Variants in ATP2B4 observed in about 807,000 individuals in gnomAD.
ATP2B4 encodes the protein ATPase plasma membrane Ca2+ transporting 4.
ATP2B4 carries 39 observed loss-of-function variants against 110.3 expected under a neutral mutation model. The observed-to-expected ratio is 0.35, with a 90% CI of 0.27 to 0.46. The LOEUF (loss-of-function observed/expected upper bound fraction) is 0.46. ATP2B4 is among the 20% of genes least tolerant of loss of function. The pLI is 1.00. For synonymous variants in ATP2B4, 538 were observed against 571.7 expected (o/e 0.94, Z 0.84); for missense variants, 1,135 against 1,530.9 (o/e 0.74, Z 4.32).
chr1:203,685,628 C>G (rs1376559091), intron 2 of ATP2B4, among the ~76,000 whole-genome samples: 5 of 152,154 alleles, frequency 3.3e-5, no homozygotes, highest in African/African-American at 1.2e-4. Flanking sequence ...AGGGAGCTTC[C>G]CTACCTGTTT....
intron 1 of ATP2B4, among the ~76,000 whole-genome samples, chr1:203,670,933 T>C (rs536019193): frequency 1.6e-4 from 25 of 152,310 alleles, no homozygotes; most frequent in Admixed American, 1.4e-3. Flanking sequence ...CTGGGAGACA[T>C]TCAGTTATCA....
chr1:203,721,433 A>G (rs1352811458), intron 17 of ATP2B4, 23 bp downstream of exon 17: 1 of 1,609,586 alleles, frequency 6.2e-7, no homozygotes. Flanking sequence ...GGGGGTGGGT[A>G]GCAGCTGGGG....
At chr1:203,632,696 T>TA (rs79013470) in intron 1 of ATP2B4, among the ~76,000 whole-genome samples, 1,608 of 122,176 alleles carry the variant, frequency 0.013, 13 homozygotes, top group Middle Eastern at 0.021. Context: ...ATATTTTAAG[T>TA]AAAAAAAAAA....
intron 19 of ATP2B4, among the ~76,000 whole-genome samples, chr1:203,725,166 G>A (rs532491771): frequency 7.3e-5 from 11 of 151,070 alleles, no homozygotes; most frequent in East Asian, 5.8e-4. Context: ...GTGAGCCACC[G>A]CACCTGGCCC....
At chr1:203,636,833 A>G (rs1235582439) in intron 1 of ATP2B4, among the ~76,000 whole-genome samples, 1 of 152,226 alleles carries the variant, frequency 6.6e-6, no homozygotes, top group Non-Finnish European at 1.5e-5. Flanking sequence ...GATAGAGTCT[A>G]GCACAATGTA....
rs142174265 is a variant in ATP2B4 at position 203,639,493 on chromosome 1, G to C, written c.-465+12274G>C. 3.7e-4 allele frequency among the ~76,000 whole-genome samples: 57 copies of C among 152,302 alleles called. No homozygotes were observed. In the East Asian group the frequency reaches 5.4e-3, roughly 14 times the overall value. ...GTAGTGCTCTAGGGAGTTTGCATCT[G>C]TTTCCCTGGAGAGCACATTTAACCC... On this transcript the variant is annotated intron_variant, in intron 1 of 20. Transcript: ENST00000357681.
chr1:203,701,627 T>C (rs1665695445), intron 6 of ATP2B4, among the ~76,000 whole-genome samples: 1 of 152,196 alleles, frequency 6.6e-6, no homozygotes, highest in African/African-American at 2.4e-5. Context: ...AATAATTCAT[T>C]TCTGCAGCTG....
chr1:203,691,298 G>C (rs143113041), intron 2 of ATP2B4, among the ~76,000 whole-genome samples: 1 of 152,282 alleles, frequency 6.6e-6, no homozygotes, highest in Non-Finnish European at 1.5e-5. Context: ...ATTAGCTGTT[G>C]GGAAGAAAAA....
chr1:203,719,385 G>T (rs1666255234), intron 15 of ATP2B4, among the ~76,000 whole-genome samples: 1 of 151,682 alleles, frequency 6.6e-6, no homozygotes, highest in African/African-American at 2.4e-5. Context: ...TGTCGTTTTT[G>T]GTGTATTCTT....
intron 8 of ATP2B4, 109 bp from the exon 9 acceptor site, chr1:203,706,900 T>C: frequency 1.2e-6 from 1 of 864,832 alleles, no homozygotes; most frequent in Non-Finnish European, 1.8e-6. Flanking sequence ...CTGGCGATGG[T>C]GGTTTTAATA....
chr1:203,671,950 G>A (rs141228536), intron 1 of ATP2B4, among the ~76,000 whole-genome samples: 110 of 152,228 alleles, frequency 7.2e-4, no homozygotes, highest in African/African-American at 2.3e-3. Flanking sequence ...TGGGGGCTTC[G>A]AAGCTCTCCT....
chr1:203,730,979 C>T (rs185799270), intron 20 of ATP2B4, among the ~76,000 whole-genome samples: 5 of 152,212 alleles, frequency 3.3e-5, no homozygotes, highest in Non-Finnish European at 5.9e-5. Flanking sequence ...GCCACCTCCA[C>T]GTTGATCTTT....
chr1:203,703,827 A>G lies in ATP2B4; in HGVS notation c.1099+14A>G, dbSNP rs1219023767. On this transcript the variant is annotated intron_variant, in intron 8 of 20. Coordinates refer to ENST00000357681, the MANE Select transcript of ATP2B4 (RefSeq NM_001684.5). ...TTGGGAAAGCCGGTGAGTAGGGTAG[A>G]GCCTCGTTGTGGTTTATCAATGTTG... The G allele has an allele frequency of 6.2e-7, 1 of 1,612,012 alleles. No homozygotes were observed. The highest frequency in any genetic ancestry group is 1.3e-5 in the African/African-American group (1 of 74,982).
chr1:203,691,539 A>G (rs1665373187), intron 2 of ATP2B4, among the ~76,000 whole-genome samples: 1 of 152,212 alleles, frequency 6.6e-6, no homozygotes, highest in African/African-American at 2.4e-5. Flanking sequence ...GGGGCGGGAT[A>G]AAGGGAAGCA....
chr1:203,654,545 CA>C (rs542828219), intron 1 of ATP2B4, among the ~76,000 whole-genome samples: 3 of 152,214 alleles, frequency 2.0e-5, no homozygotes, highest in African/African-American at 7.2e-5. Flanking sequence ...TGGATCTGGG[CA>C]AAGTGAATTG....
intron 1 of ATP2B4, among the ~76,000 whole-genome samples, chr1:203,671,842 T>A (rs534597903): frequency 6.6e-6 from 1 of 152,210 alleles, no homozygotes; most frequent in Admixed American, 6.5e-5. Context: ...AGGAAACACG[T>A]GTCTCCTCAG....
At chr1:203,643,665 G>T (rs1663701726) in intron 1 of ATP2B4, among the ~76,000 whole-genome samples, 1 of 152,190 alleles carries the variant, frequency 6.6e-6, no homozygotes, top group Admixed American at 6.5e-5. Context: ...GGAACAGGGG[G>T]AATTCTCTGG....
intron 1 of ATP2B4, among the ~76,000 whole-genome samples, chr1:203,638,916 C>T (rs924071430): frequency 6.6e-6 from 1 of 152,172 alleles, no homozygotes; most frequent in African/African-American, 2.4e-5. Context: ...TGGCACTGCC[C>T]GTATCACCGT....
intron 13 of ATP2B4, among the ~76,000 whole-genome samples, chr1:203,712,671 G>A (rs1207674508): frequency 6.6e-6 from 1 of 151,790 alleles, no homozygotes; most frequent in Non-Finnish European, 1.5e-5. Flanking sequence ...TTTTGAGACA[G>A]TGTCACTAAC....
Sources: gnomAD v4.1 joint callset for allele counts (sites outside exome capture counted in the v4.1 genomes callset) on GRCh38, gnomAD v4.1.1 for gene constraint, MANE v1.5 for transcripts, NCBI Gene and HGNC (gene_info 2026-07-23, HGNC 2026-07-21) for gene names.